NEDD4L: variants seen among roughly 807,000 people sequenced by gnomAD.
NEDD4L encodes the protein E3 ubiquitin-protein ligase NEDD4-like.
NEDD4L carries 54 observed loss-of-function variants against 148.9 expected under a neutral mutation model. The observed-to-expected ratio is 0.36, with a 90% CI of 0.29 to 0.45. NEDD4L has a LOEUF of 0.45. Among genes scored for constraint, NEDD4L ranks in the 20% least tolerant of loss-of-function variants. NEDD4L has a pLI of 1.00. For missense variants in NEDD4L, 856 were observed against 1,233.8 expected, an observed-to-expected ratio of 0.69 and a Z score of 4.59; for synonymous variants, 433 against 440.7, an observed-to-expected ratio of 0.98 and a Z score of 0.22.
chr18:58,253,055 CCT>C (rs1568481640), intron 5 of NEDD4L, among the ~76,000 whole-genome samples: 2 of 152,102 alleles, frequency 1.3e-5, no homozygotes. Context: ...TCAAATTTAC[CCT>C]CTCTGAAACT....
chr18:58,380,186 C>G (rs920779665), intron 24 of NEDD4L, among the ~76,000 whole-genome samples: 19 of 150,968 alleles, frequency 1.3e-4, no homozygotes, highest in African/African-American at 4.4e-4. Flanking sequence ...CAAGAAAACT[C>G]AGGATTAAAA....
At chr18:58,222,575 T>C (rs936977731) in intron 2 of NEDD4L, among the ~76,000 whole-genome samples, 1 of 152,214 alleles carries the variant, frequency 6.6e-6, no homozygotes, top group Non-Finnish European at 1.5e-5. Context: ...TCTCATTTCA[T>C]GGTGATTCAT....
chr18:58,300,406 G>A (rs976458115), intron 5 of NEDD4L, among the ~76,000 whole-genome samples: 1 of 152,194 alleles, frequency 6.6e-6, no homozygotes, highest in African/African-American at 2.4e-5. Context: ...CTTCCATCTA[G>A]TGCACAAGTC....
intron 1 of NEDD4L, among the ~76,000 whole-genome samples, chr18:58,088,325 T>C (rs1305004524): frequency 6.6e-6 from 1 of 152,212 alleles, no homozygotes; most frequent in Non-Finnish European, 1.5e-5. Flanking sequence ...GCAAGAATTA[T>C]TGGGGGCTAT....
intron 2 of NEDD4L, among the ~76,000 whole-genome samples, chr18:58,196,789 T>C (rs2040761479): frequency 6.7e-6 from 1 of 149,956 alleles, no homozygotes; most frequent in African/African-American, 2.5e-5. Context: ...TGAGGAAAAT[T>C]GAATTAGGTT....
chr18:58,093,960 G>T (rs934117151), intron 1 of NEDD4L, among the ~76,000 whole-genome samples: 15 of 152,126 alleles, frequency 9.9e-5, no homozygotes, highest in African/African-American at 3.6e-4. Flanking sequence ...AGTGATTGAG[G>T]CAGGGCTGTG....
At chr18:58,217,316 C>T (rs1012922357) in intron 2 of NEDD4L, among the ~76,000 whole-genome samples, 1 of 152,120 alleles carries the variant, frequency 6.6e-6, no homozygotes, top group Non-Finnish European at 1.5e-5. Context: ...TTTATTCCTC[C>T]CCCTCCAAGT....
At chr18:58,048,049 G>A (rs527566363) in intron 1 of NEDD4L, among the ~76,000 whole-genome samples, 1 of 152,306 alleles carries the variant, frequency 6.6e-6, no homozygotes, top group South Asian at 2.1e-4. Flanking sequence ...GCTGACATAG[G>A]ATAAATGGCA....
rs771503257 is a variant in NEDD4L at position 58,343,117 on chromosome 18, T to G, written c.1575+14T>G. The stretch of plus-strand genomic sequence containing the variant: ...ACTACAACCTGGGTAAGGCTGCTGC[T>G]TTTATTTGGCTCCATTTTCATCATG... On this transcript the variant is annotated intron_variant, in intron 16 of 30. Transcript: ENST00000400345. 1.5e-5 allele frequency: 24 copies of G among 1,566,656 alleles called. No individual in the cohort carries two copies. Among genetic ancestry groups the G allele is most frequent in the African/African-American group, 2.7e-5 (2 of 73,206 alleles).
chr18:58,288,207 G>T (rs755381400), intron 5 of NEDD4L, among the ~76,000 whole-genome samples: 1 of 152,220 alleles, frequency 6.6e-6, no homozygotes, highest in Non-Finnish European at 1.5e-5. Context: ...ACATCCATCA[G>T]ACCACATGAA....
At chr18:58,125,835 CG>C (rs1358812429) in intron 1 of NEDD4L, among the ~76,000 whole-genome samples, 1 of 152,168 alleles carries the variant, frequency 6.6e-6, no homozygotes, top group Non-Finnish European at 1.5e-5. Flanking sequence ...TCTTTTGATC[CG>C]GGGTCTTGGA....
chr18:58,066,320 A>G (rs1376755282), intron 1 of NEDD4L, among the ~76,000 whole-genome samples: 1 of 150,614 alleles, frequency 6.6e-6, no homozygotes, highest in Non-Finnish European at 1.5e-5. Context: ...ATCTCGTTGA[A>G]TGCTGAGGCT....
chr18:58,247,780 G>A (rs559895782), intron 3 of NEDD4L, among the ~76,000 whole-genome samples: 13 of 152,250 alleles, frequency 8.5e-5, no homozygotes, highest in African/African-American at 2.9e-4. Context: ...GCTGCCCTCC[G>A]GGACTGCAGC....
At chr18:58,057,630 C>A (rs2082146849) in intron 1 of NEDD4L, among the ~76,000 whole-genome samples, 1 of 152,096 alleles carries the variant, frequency 6.6e-6, no homozygotes, top group South Asian at 2.1e-4. Context: ...CTTGTTCCAG[C>A]CTTACTGAGA....
chr18:58,092,136 G>A (rs1169570016), intron 1 of NEDD4L, among the ~76,000 whole-genome samples: 1 of 152,258 alleles, frequency 6.6e-6, no homozygotes, highest in Non-Finnish European at 1.5e-5. Context: ...ATGGCAGGGG[G>A]CAGAAGTCAG....
intron 6 of NEDD4L, among the ~76,000 whole-genome samples, chr18:58,317,323 G>A (rs921060668): frequency 2.0e-5 from 3 of 152,288 alleles, no homozygotes; most frequent in African/African-American, 7.2e-5. Context: ...TTCACCTTTT[G>A]TGAGCAAAGA....
intron 1 of NEDD4L, among the ~76,000 whole-genome samples, chr18:58,068,617 G>A (rs563482781): frequency 6.6e-6 from 1 of 152,308 alleles, no homozygotes; most frequent in African/African-American, 2.4e-5. Context: ...GCTAGATGAG[G>A]AAGGAAAGAA....
chr18:58,142,639 A>T (rs1653901128), intron 1 of NEDD4L, among the ~76,000 whole-genome samples: 1 of 152,158 alleles, frequency 6.6e-6, no homozygotes, highest in Admixed American at 6.5e-5. Flanking sequence ...AACTGTGTTT[A>T]ATATATTTCT....
chr18:58,182,924 C>T (rs964044223), intron 2 of NEDD4L, among the ~76,000 whole-genome samples: 2 of 152,218 alleles, frequency 1.3e-5, no homozygotes, highest in African/African-American at 2.4e-5. Flanking sequence ...TTGAAAGATA[C>T]TCCCTCTCCT....
Sources: allele counts gnomAD v4.1 joint callset (sites outside exome capture counted in the v4.1 genomes callset), GRCh38; gene constraint gnomAD v4.1.1; transcripts MANE v1.5; gene names NCBI Gene and HGNC (gene_info 2026-07-23, HGNC 2026-07-21).